KLF8: variants seen among roughly 807,000 people sequenced by gnomAD.
The protein encoded by KLF8 is Krueppel-like factor 8.
In KLF8, 10 loss-of-function variants were observed where a neutral mutation model predicts 18.2. That is an observed-to-expected ratio of 0.55 (90% CI 0.34 to 0.93). The LOEUF (loss-of-function observed/expected upper bound fraction) is 0.93. KLF8 is among the 40% of genes least tolerant of loss of function. KLF8 has a pLI of 0.02. For synonymous variants in KLF8, 109 were observed against 97.3 expected (o/e 1.12, Z -0.71); for missense variants, 264 against 277.9 (o/e 0.95, Z 0.36).
At chrX:56,176,009 T>A in the KLF8 span, among the ~76,000 whole-genome samples, 23 of 111,967 alleles carry the variant, frequency 2.1e-4, no homozygotes, top group Non-Finnish European at 3.8e-4. Flanking sequence ...GTGAGATGTG[T>A]CTCCTGAGTA....
chrX:56,039,796 T>C, the KLF8 span, among the ~76,000 whole-genome samples: 17 of 111,660 alleles, frequency 1.5e-4, no homozygotes, highest in Non-Finnish European at 2.6e-4. Flanking sequence ...GGGAATAACA[T>C]TGAGTCTATA....
chrX:56,137,110 T>C, the KLF8 span, among the ~76,000 whole-genome samples: 2 of 109,957 alleles, frequency 1.8e-5, no homozygotes, highest in Non-Finnish European at 3.8e-5. Context: ...AAACAACAGG[T>C]TCTGGAGAGG....
chrX:56,271,212 G>A, intron 5 of KLF8, among the ~76,000 whole-genome samples: 1 of 110,898 alleles, frequency 9.0e-6, no homozygotes, highest in Middle Eastern at 4.7e-3. Flanking sequence ...GTGGGGTTGG[G>A]AATGTAGGTG....
chrX:56,149,552 C>A, the KLF8 span, among the ~76,000 whole-genome samples: 2 of 110,814 alleles, frequency 1.8e-5, no homozygotes, highest in East Asian at 2.8e-4. Context: ...ACCCAACCAA[C>A]AAACCTGCAC....
chrX:56,064,749 G>A, the KLF8 span, among the ~76,000 whole-genome samples: 2 of 111,390 alleles, frequency 1.8e-5, no homozygotes, highest in African/African-American at 6.5e-5. Context: ...ACTTCCAGGT[G>A]TACGACTTTC....
chrX:56,074,778 A>T, the KLF8 span: 1 of 121,914 alleles, frequency 8.2e-6, no homozygotes, highest in Admixed American at 9.3e-5. Context: ...GGCCACTTTC[A>T]ATTCCATATG....
At chrX:55,943,534 C>T in the KLF8 span, among the ~76,000 whole-genome samples, 321 of 111,401 alleles carry the variant, frequency 2.9e-3, 1 homozygote, top group African/African-American at 0.01. Flanking sequence ...CTTCAGATTT[C>T]GCTTCTTATC....
At chrX:56,072,539 A>G in the KLF8 span, among the ~76,000 whole-genome samples, 1 of 111,551 alleles carries the variant, frequency 9.0e-6, no homozygotes, top group Non-Finnish European at 1.9e-5. Flanking sequence ...TGTTGTGGCC[A>G]TTATATCTCT....
chrX:56,008,267 G>A, the KLF8 span, among the ~76,000 whole-genome samples: 1 of 108,833 alleles, frequency 9.2e-6, no homozygotes, highest in Non-Finnish European at 1.9e-5. Flanking sequence ...AGCTTTGGTA[G>A]GAGGCTCCCA....
At chrX:55,940,845 C>T in the KLF8 span, among the ~76,000 whole-genome samples, 2 of 111,457 alleles carry the variant, frequency 1.8e-5, no homozygotes, top group African/African-American at 6.5e-5. Context: ...TCAAGGAGAA[C>T]TACAAACCAC....
the KLF8 span, among the ~76,000 whole-genome samples, chrX:55,940,038 C>A: frequency 9.0e-6 from 1 of 111,686 alleles, no homozygotes; most frequent in African/African-American, 3.3e-5. Context: ...AGGACGGCAT[C>A]ATCCTGATAC....
chrX:55,997,869 G>A, the KLF8 span, among the ~76,000 whole-genome samples: 1 of 110,742 alleles, frequency 9.0e-6, no homozygotes, highest in Admixed American at 9.6e-5. Flanking sequence ...TATAGAGAAA[G>A]AAATAAGGGG....
At chrX:56,203,522 T>C in the KLF8 span, among the ~76,000 whole-genome samples, 23 of 112,662 alleles carry the variant, frequency 2.0e-4, no homozygotes, top group Admixed American at 2.2e-3. Context: ...TTGGATATTT[T>C]CTCCAATGTT....
At chrX:56,149,437 G>A in the KLF8 span, among the ~76,000 whole-genome samples, 8 of 110,546 alleles carry the variant, frequency 7.2e-5, no homozygotes, top group African/African-American at 2.0e-4. Flanking sequence ...ACTAGAAAGT[G>A]GAGGGGGGAG....
chrX:56,032,662 T>C, the KLF8 span, among the ~76,000 whole-genome samples: 4 of 112,576 alleles, frequency 3.6e-5, no homozygotes, highest in Non-Finnish European at 7.5e-5. Context: ...ATGTCAGTAA[T>C]TCTTTATTGT....
the KLF8 span, among the ~76,000 whole-genome samples, chrX:56,197,051 A>G: frequency 1.8e-5 from 2 of 111,875 alleles, no homozygotes; most frequent in Non-Finnish European, 3.8e-5. Context: ...ACCAATGAGA[A>G]CAAAGACACA....
At chrX:55,924,689 G>T in the KLF8 span, among the ~76,000 whole-genome samples, 1 of 110,489 alleles carries the variant, frequency 9.1e-6, no homozygotes, top group Non-Finnish European at 1.9e-5. Context: ...AAATACCTGG[G>T]GATTTTGTAA....
At chrX:56,169,133 C>A in the KLF8 span, among the ~76,000 whole-genome samples, 2 of 111,114 alleles carry the variant, frequency 1.8e-5, no homozygotes, top group Non-Finnish European at 3.8e-5. Flanking sequence ...TGACCTGGTC[C>A]TGGCAGGATC....
the KLF8 span, among the ~76,000 whole-genome samples, chrX:56,053,107 T>A: frequency 8.9e-6 from 1 of 112,142 alleles, no homozygotes; most frequent in East Asian, 2.8e-4. Context: ...AGTGAGGCAA[T>A]GCCTCGCCCT....
Sources: allele counts gnomAD v4.1 joint callset (sites outside exome capture counted in the v4.1 genomes callset), GRCh38; gene constraint gnomAD v4.1.1; transcripts MANE v1.5; gene names NCBI Gene and HGNC (gene_info 2026-07-23, HGNC 2026-07-21).